The following PTPRD variants were observed in gnomAD, a reference collection of about 807,000 sequenced individuals.
PTPRD encodes protein tyrosine phosphatase receptor type D.
Under a neutral mutation model 214.5 loss-of-function variants are expected in PTPRD, and 34 were observed. That is an observed-to-expected ratio of 0.16 (90% CI 0.12 to 0.21). The LOEUF is 0.21. Ranked by LOEUF, PTPRD falls within the 10% of genes least tolerant of loss-of-function variation. PTPRD has a pLI of 1.00. For missense variants in PTPRD, 2,545 were observed against 2,398.7 expected, an observed-to-expected ratio of 1.06 and a Z score of -1.27; for synonymous variants, 1,128 against 845.7, an observed-to-expected ratio of 1.33 and a Z score of -5.79.
At chr9:8,731,767 T>C (rs371465408) in intron 12 of PTPRD, among the ~76,000 whole-genome samples, 1 of 152,206 alleles carries the variant, frequency 6.6e-6, no homozygotes, top group African/African-American at 2.4e-5. Context: ...TTTTCCTCTT[T>C]CGTCAATAAC....
In PTPRD at chr9:8,376,662, A is replaced by G. The variant is rs765558122; in HGVS notation, c.4451T>C (p.Leu1484Pro). The change falls in exon 38 of 46, where the codon CTG becomes CCG. Residue 1484 changes from leucine to proline, a missense_variant. Coordinates refer to ENST00000381196, the MANE Select transcript of PTPRD (RefSeq NM_002839.4). The stretch of plus-strand genomic sequence containing the variant: ...TGTGGCCAGCTCCACAGTATCAAGC[A>G]GCGTTACTTGAACGAGTCCGTGGGT... Reference protein sequence around the residue: ...TETHGLVQVTLLDTVELATYC... With the variant: ...TETHGLVQVTPLDTVELATYC... The G allele has an allele frequency of 6.2e-7, 1 of 1,613,052 alleles. No individual in the cohort carries two copies. The highest frequency in any genetic ancestry group is 1.1e-5 in the South Asian group (1 of 91,072).
At chr9:10,299,396 A>C (rs2095793356) in intron 3 of PTPRD, among the ~76,000 whole-genome samples, 1 of 152,174 alleles carries the variant, frequency 6.6e-6, no homozygotes, top group South Asian at 2.1e-4. Flanking sequence ...CTGAGATGTT[A>C]ATTTCAGCTA....
intron 3 of PTPRD, among the ~76,000 whole-genome samples, chr9:10,322,363 C>A (rs780388469): frequency 1.2e-4 from 19 of 152,024 alleles, no homozygotes; most frequent in Admixed American, 2.6e-4. Flanking sequence ...TAGGAAGACA[C>A]AATTGCAGGC....
chr9:10,245,055 G>T (rs1217669848), intron 3 of PTPRD, among the ~76,000 whole-genome samples: 1 of 152,066 alleles, frequency 6.6e-6, no homozygotes. Context: ...TTCTCAAACA[G>T]AAATATTATT....
At chr9:9,498,749 G>T (rs566376625) in intron 8 of PTPRD, among the ~76,000 whole-genome samples, 3 of 152,084 alleles carry the variant, frequency 2.0e-5, no homozygotes, top group South Asian at 4.2e-4. Flanking sequence ...ATAGAACAAT[G>T]AACATAGGCA....
At chr9:10,416,122 C>T (rs575789798) in intron 2 of PTPRD, among the ~76,000 whole-genome samples, 67 of 151,036 alleles carry the variant, frequency 4.4e-4, no homozygotes, top group Non-Finnish European at 9.3e-4. Flanking sequence ...CCGAGGCGGG[C>T]GGATCACTTG....
chr9:10,501,836 C>T lies in PTPRD; in HGVS notation c.-600+110562G>A, dbSNP rs370917161. On this transcript the variant is annotated intron_variant, in intron 2 of 45. Coordinates refer to ENST00000381196, the MANE Select transcript of PTPRD (RefSeq NM_002839.4). ...ACAAATTCAACACAGAAGGTATAGA[C>T]GAATGCTTCTCAATTCTGGAAGCAC... Among the ~76,000 whole-genome samples, 11 of 151,952 alleles carry T rather than the reference C, an allele frequency of 7.2e-5. No homozygotes were observed. In the East Asian group the frequency reaches 1.2e-3, roughly 16 times the overall value.
chr9:10,542,900 T>G (rs1175321814), intron 2 of PTPRD, among the ~76,000 whole-genome samples: 1 of 151,492 alleles, frequency 6.6e-6, no homozygotes, highest in Non-Finnish European at 1.5e-5. Flanking sequence ...GTATTTTTAT[T>G]TTATTTGTTT....
At chr9:8,352,160 A>G (rs1435836200) in intron 39 of PTPRD, among the ~76,000 whole-genome samples, 1 of 151,532 alleles carries the variant, frequency 6.6e-6, no homozygotes, top group Non-Finnish European at 1.5e-5. Context: ...TTGTCCCAAT[A>G]TTATCTGCTG....
At chr9:8,814,033 G>A (rs760729269) in intron 11 of PTPRD, among the ~76,000 whole-genome samples, 1 of 152,196 alleles carries the variant, frequency 6.6e-6, no homozygotes, top group African/African-American at 2.4e-5. Context: ...TGCCAGGCAT[G>A]GGCCATGGAT....
chr9:10,106,603 G>T lies in PTPRD; in HGVS notation c.-544-72813C>A, dbSNP rs538283116. Among the ~76,000 whole-genome samples the T allele has an allele frequency of 4.6e-5, 7 of 151,954 alleles. No homozygotes were observed. In the South Asian group the frequency reaches 1.0e-3, roughly 23 times the overall value. Reference sequence around the variant, plus strand: ...CTCTAACAAGAAGTAAAGTTTAAAAGGCATTGGGTTATGAGAGGACCATCT... The same window carrying T: ...CTCTAACAAGAAGTAAAGTTTAAAATGCATTGGGTTATGAGAGGACCATCT... On this transcript the variant is annotated intron_variant, in intron 3 of 45. Coordinates refer to ENST00000381196, the MANE Select transcript of PTPRD (RefSeq NM_002839.4).
intron 5 of PTPRD, among the ~76,000 whole-genome samples, chr9:9,905,644 G>GTAATTAAATTT (rs2077385884): frequency 1.3e-5 from 2 of 151,946 alleles, no homozygotes; most frequent in African/African-American, 4.8e-5. Context: ...ATAAAACTCA[G>GTAATTAAATTT]CACAAAACCC....
At chr9:9,468,668 A>G (rs2094388091) in intron 8 of PTPRD, among the ~76,000 whole-genome samples, 1 of 152,132 alleles carries the variant, frequency 6.6e-6, no homozygotes, top group African/African-American at 2.4e-5. Context: ...TTAGTTCAAA[A>G]TAAGTGATAT....
chr9:8,382,432 C>T (rs2085406311), intron 37 of PTPRD, among the ~76,000 whole-genome samples: 1 of 152,290 alleles, frequency 6.6e-6, no homozygotes, highest in South Asian at 2.1e-4. Flanking sequence ...CTCCTCCTCC[C>T]ATTCCAGCTC....
chr9:10,442,244 C>A (rs1176807927), intron 2 of PTPRD, among the ~76,000 whole-genome samples: 1 of 151,530 alleles, frequency 6.6e-6, no homozygotes, highest in African/African-American at 2.4e-5. Flanking sequence ...TTAATTATTT[C>A]TTTCCAAAGT....
intron 10 of PTPRD, among the ~76,000 whole-genome samples, chr9:9,040,945 A>G (rs563099385): frequency 2.1e-4 from 32 of 152,196 alleles, no homozygotes; most frequent in African/African-American, 7.5e-4. Context: ...CTTCTCACAC[A>G]ATGACTTGTG....
chr9:9,248,130 T>A (rs2099973875), intron 9 of PTPRD, among the ~76,000 whole-genome samples: 1 of 152,038 alleles, frequency 6.6e-6, no homozygotes, highest in African/African-American at 2.4e-5. Flanking sequence ...TCTCACTCTG[T>A]CACCCAGGTT....
intron 28 of PTPRD, 193 bp downstream of exon 28, chr9:8,485,569 C>T: frequency 1.6e-6 from 1 of 643,048 alleles, no homozygotes; most frequent in Middle Eastern, 4.3e-4. Flanking sequence ...GTGCTGTCAG[C>T]CAGACTTGCT....
At chr9:8,844,581 A>G (rs1451739204) in intron 11 of PTPRD, among the ~76,000 whole-genome samples, 1 of 152,228 alleles carries the variant, frequency 6.6e-6, no homozygotes, top group Non-Finnish European at 1.5e-5. Context: ...AACCATCTGT[A>G]CAATAATCCA....
Sources: allele counts gnomAD v4.1 joint callset (sites outside exome capture counted in the v4.1 genomes callset), GRCh38; gene constraint gnomAD v4.1.1; transcripts MANE v1.5; gene names NCBI Gene and HGNC (gene_info 2026-07-23, HGNC 2026-07-21).